DLGAP1: variants seen among roughly 807,000 people sequenced by gnomAD.
DLGAP1 encodes disks large-associated protein 1.
Under a neutral mutation model 90.8 loss-of-function variants are expected in DLGAP1, and 11 were observed. That is an observed-to-expected ratio of 0.12 (90% CI 0.08 to 0.20). DLGAP1 has a LOEUF of 0.20. DLGAP1 is among the 10% of genes least tolerant of loss of function. The pLI is 1.00. For synonymous variants in DLGAP1, 558 were observed against 540.7 expected, an observed-to-expected ratio of 1.03 and a Z score of -0.44; for missense variants, 1,050 against 1,333.8, an observed-to-expected ratio of 0.79 and a Z score of 3.31.
chr18:4,150,224 G>A (rs35044907), intron 2 of DLGAP1, among the ~76,000 whole-genome samples: 14,919 of 152,120 alleles, frequency 0.098, 933 homozygotes, highest in East Asian at 0.29. Context: ...AAAGACAATA[G>A]CTTATTATTC....
intron 1 of DLGAP1, among the ~76,000 whole-genome samples, chr18:4,352,364 T>C (rs1304857767): frequency 6.6e-6 from 1 of 152,128 alleles, no homozygotes. Context: ...CTCTCATCAA[T>C]ACTGCTTTCT....
At chr18:4,042,799 G>A (rs4798158) in intron 2 of DLGAP1, among the ~76,000 whole-genome samples, 18,599 of 152,192 alleles carry the variant, frequency 0.12, 1,335 homozygotes, top group East Asian at 0.24. Flanking sequence ...TCATAGCAAC[G>A]ATGTATATCA....
chr18:4,198,036 C>A (rs1164514098), intron 1 of DLGAP1, among the ~76,000 whole-genome samples: 2 of 151,614 alleles, frequency 1.3e-5, no homozygotes, highest in African/African-American at 4.9e-5. Flanking sequence ...CCTGGCTAAC[C>A]CAGTGAAACC....
chr18:3,880,944 G>GAAAAAAAAAAAAAAAAAAAAAAA (rs1173817359), intron 3 of DLGAP1, among the ~76,000 whole-genome samples: 1 of 38,360 alleles, frequency 2.6e-5, no homozygotes, highest in Non-Finnish European at 5.3e-5. Flanking sequence ...CTCCATCTCA[G>GAAAAAAAAAAAAAAAAAAAAAAA]AAAAAAAAAA....
At chr18:4,409,393 G>A (rs898101687) in intron 1 of DLGAP1, among the ~76,000 whole-genome samples, 2 of 152,118 alleles carry the variant, frequency 1.3e-5, no homozygotes, top group Non-Finnish European at 2.9e-5. Context: ...GCAAATTTGG[G>A]TATCTTACAG....
chr18:3,927,963 C>T (rs1296507587), intron 3 of DLGAP1, among the ~76,000 whole-genome samples: 1 of 152,154 alleles, frequency 6.6e-6, no homozygotes, highest in Non-Finnish European at 1.5e-5. Context: ...ATATGCATAC[C>T]AGTCATGTTA....
chr18:4,434,428 C>T (rs1421278052), intron 1 of DLGAP1, among the ~76,000 whole-genome samples: 2 of 152,080 alleles, frequency 1.3e-5, no homozygotes, highest in African/African-American at 4.8e-5. Context: ...ACTTTTTTCC[C>T]TAAACCCTGG....
chr18:4,369,815 T>TAAA (rs11387946), intron 1 of DLGAP1, among the ~76,000 whole-genome samples: 34 of 74,576 alleles, frequency 4.6e-4, no homozygotes, highest in Middle Eastern at 8.2e-3. Flanking sequence ...AAAGTCTTAG[T>TAAA]AAAAAAAAAA....
intron 7 of DLGAP1, among the ~76,000 whole-genome samples, chr18:3,674,296 A>ATATATATATATATAT (rs1555623972): frequency 0.061 from 7,780 of 128,502 alleles, 368 homozygotes; most frequent in Non-Finnish European, 0.083. Context: ...ATAATATTAA[A>ATATATATATATATAT]ATATATATAT....
intron 2 of DLGAP1, among the ~76,000 whole-genome samples, chr18:4,079,895 A>G (rs1430597149): frequency 2.0e-5 from 3 of 152,170 alleles, no homozygotes; most frequent in Non-Finnish European, 4.4e-5. Flanking sequence ...GAAAAGAAGC[A>G]GAAAGCAAGC....
chr18:3,968,117 G>A (rs1470172520), intron 3 of DLGAP1, among the ~76,000 whole-genome samples: 2 of 152,038 alleles, frequency 1.3e-5, no homozygotes. Context: ...TTCTGCTTTT[G>A]ATCATGTTTA....
rs2147519091 is a variant in DLGAP1 at position 3,733,686 on chromosome 18, C to T, written c.1351-4311G>A. 2.0e-5 allele frequency among the ~76,000 whole-genome samples: 3 copies of T among 152,292 alleles called. No individual in the cohort carries two copies. The South Asian group carries it at 6.2e-4, about 32-fold the overall frequency. ...CTGGTCATTTTGGTTGTTTAGAGCTCATTGTCTAGTACATTTCTCAGAATG... is the reference window on the plus strand; with the variant it reads ...CTGGTCATTTTGGTTGTTTAGAGCTTATTGTCTAGTACATTTCTCAGAATG... On this transcript the variant is annotated intron_variant, in intron 6 of 12. Transcript: ENST00000315677.
At chr18:4,224,373 G>A (rs1425970321) in intron 1 of DLGAP1, among the ~76,000 whole-genome samples, 1 of 152,180 alleles carries the variant, frequency 6.6e-6, no homozygotes, top group Admixed American at 6.5e-5. Flanking sequence ...TGGCCATAAG[G>A]AGGTAGAGTA....
At chr18:3,860,219 A>G (rs780723844) in intron 4 of DLGAP1, among the ~76,000 whole-genome samples, 22 of 152,244 alleles carry the variant, frequency 1.4e-4, no homozygotes, top group Non-Finnish European at 3.1e-4. Context: ...CAAAACCCTG[A>G]TAAGTGAAAC....
intron 2 of DLGAP1, among the ~76,000 whole-genome samples, chr18:4,017,255 A>T (rs2074538298): frequency 6.6e-6 from 1 of 152,184 alleles, no homozygotes; most frequent in Admixed American, 6.5e-5. Flanking sequence ...TAGAGCAAAG[A>T]AAGTAGAACT....
chr18:3,707,607 G>GAA (rs1274258689), intron 7 of DLGAP1, among the ~76,000 whole-genome samples: 5 of 114,546 alleles, frequency 4.4e-5, no homozygotes, highest in African/African-American at 1.2e-4. Context: ...CCATCTCAAA[G>GAA]AAAAAAAAAA....
intron 3 of DLGAP1, among the ~76,000 whole-genome samples, chr18:3,939,622 A>C (rs2072726147): frequency 6.6e-6 from 1 of 152,200 alleles, no homozygotes; most frequent in Non-Finnish European, 1.5e-5. Flanking sequence ...ACAGGGATAC[A>C]TATCTACATA....
intron 7 of DLGAP1, among the ~76,000 whole-genome samples, chr18:3,614,998 C>T (rs554534550): frequency 0.045 from 658 of 14,694 alleles, 6 homozygotes; most frequent in African/African-American, 0.15. Context: ...CTCGGCTCAC[C>T]GCAACCTCCG....
intron 3 of DLGAP1, among the ~76,000 whole-genome samples, chr18:3,924,996 G>A (rs921121851): frequency 1.3e-5 from 2 of 151,872 alleles, no homozygotes; most frequent in Admixed American, 6.6e-5. Context: ...TCCATTGCCC[G>A]GGCTGGAGTG....
Sources: gnomAD v4.1 joint callset for allele counts (sites outside exome capture counted in the v4.1 genomes callset) on GRCh38, gnomAD v4.1.1 for gene constraint, MANE v1.5 for transcripts, NCBI Gene and HGNC (gene_info 2026-07-23, HGNC 2026-07-21) for gene names.